Variants in DPYD observed in about 807,000 individuals in gnomAD.
DPYD encodes the protein dihydropyrimidine dehydrogenase, also known as dihydropyrimidine dehydrogenase [NADP(+)].
In DPYD, 109 loss-of-function variants were observed where a neutral mutation model predicts 116.2. The ratio of observed to expected loss-of-function variants is 0.94; its 90% CI spans 0.80 to 1.10. DPYD has a LOEUF of 1.10. Ranked by LOEUF, DPYD falls within the 50% of genes least tolerant of loss-of-function variation. The probability of loss-of-function intolerance (pLI) is 0.00; values close to 1 mark genes in which losing one functional copy is unlikely to be tolerated. For missense variants in DPYD, 1,302 were observed against 1,254.5 expected (o/e 1.04, Z -0.57); for synonymous variants, 440 against 432.0 (o/e 1.02, Z -0.23).
chr1:97,345,102 T>C (rs971125254), intron 16 of DPYD, among the ~76,000 whole-genome samples: 3 of 151,988 alleles, frequency 2.0e-5, no homozygotes, highest in South Asian at 2.1e-4. Flanking sequence ...TTACCGGCCA[T>C]TGGTAATTTT....
intron 14 of DPYD, among the ~76,000 whole-genome samples, chr1:97,392,937 C>T (rs1441931688): frequency 6.6e-6 from 1 of 152,020 alleles, no homozygotes; most frequent in African/African-American, 2.4e-5. Flanking sequence ...TCTCATGATT[C>T]ACAAATGTTC....
chr1:97,667,479 TGCAAATGAAAA>T (rs971092870), intron 8 of DPYD, among the ~76,000 whole-genome samples: 7 of 152,172 alleles, frequency 4.6e-5, no homozygotes, highest in Non-Finnish European at 1.5e-5. Context: ...ACAAGCAGGC[TGCAAATGAAAA>T]GCAAATGAAA....
intron 19 of DPYD, among the ~76,000 whole-genome samples, chr1:97,198,261 T>G (rs1047007944): frequency 2.0e-5 from 3 of 152,142 alleles, no homozygotes; most frequent in African/African-American, 7.2e-5. Context: ...GTGAATCTCA[T>G]CTCAACTGAA....
At position 97,098,738 on chromosome 1, in the gene DPYD, A is replaced by G. The variant is rs563269168; in HGVS notation, c.2623-106T>C. The G allele has an allele frequency of 1.6e-5, 21 of 1,344,170 alleles. No individual in the cohort carries two copies. In the African/African-American group the frequency reaches 3.1e-4, roughly 20 times the overall value. 83.3% of individuals were successfully genotyped at this position (1,344,170 alleles called of 1,614,324 possible). A position where few individuals can be genotyped will look rare whatever the true frequency, so the allele number is the denominator to read the frequency against. ...TCAACAAACAAATGTGTGTCTAGGG[A>G]TTGTTTCATGTATACTGTAACTAGG... is the stretch of plus-strand genomic sequence containing the variant. On this transcript the variant is annotated intron_variant, in intron 20 of 22. Transcript: ENST00000370192.
rs574458715 is a variant in DPYD, at chr1:97,869,705, G to A, written c.150+13559C>T. On this transcript the variant is annotated intron_variant, in intron 2 of 22. Coordinates refer to ENST00000370192, the MANE Select transcript of DPYD (RefSeq NM_000110.4). Reference sequence around the variant, plus strand: ...GCTAAAATAGCCCTTATCTTCCATTGGTATCCCTCATATATTTATCTTCCC... The same window carrying A: ...GCTAAAATAGCCCTTATCTTCCATTAGTATCCCTCATATATTTATCTTCCC... Among the ~76,000 whole-genome samples the A allele has an allele frequency of 5.9e-5, 9 of 151,728 alleles. No individual in the cohort carries two copies. The South Asian group carries it at 1.0e-3, about 18-fold the overall frequency.
At chr1:97,370,523 A>T (rs1196928801) in intron 16 of DPYD, among the ~76,000 whole-genome samples, 2 of 152,180 alleles carry the variant, frequency 1.3e-5, no homozygotes, top group East Asian at 3.9e-4. Flanking sequence ...ACCATGGGAC[A>T]TATATACCTA....
At chr1:97,460,136 A>G (rs1383235158) in intron 13 of DPYD, among the ~76,000 whole-genome samples, 1 of 152,196 alleles carries the variant, frequency 6.6e-6, no homozygotes, top group African/African-American at 2.4e-5. Flanking sequence ...AAATGAAAAC[A>G]AACTTATTAA....
intron 4 of DPYD, among the ~76,000 whole-genome samples, chr1:97,727,684 C>A (rs1003040662): frequency 1.3e-5 from 2 of 151,754 alleles, no homozygotes; most frequent in African/African-American, 4.8e-5. Flanking sequence ...CTATCTATTA[C>A]AAATAACTTT....
chr1:97,591,238 A>G (rs539931950), intron 10 of DPYD, among the ~76,000 whole-genome samples: 1 of 152,236 alleles, frequency 6.6e-6, no homozygotes, highest in East Asian at 1.9e-4. Context: ...TTCCACCATT[A>G]TCCTCATCTC....
chr1:97,082,305 A>G, intron 22 of DPYD, 25 bp downstream of exon 22: 1 of 1,613,158 alleles, frequency 6.2e-7, no homozygotes, highest in Non-Finnish European at 8.5e-7. Context: ...GTCTCATAGC[A>G]TTCTAATTCC....
At chr1:97,449,895 G>A (rs1388568259) in intron 14 of DPYD, among the ~76,000 whole-genome samples, 164 bp downstream of exon 14, 3 of 152,078 alleles carry the variant, frequency 2.0e-5, no homozygotes, top group Non-Finnish European at 2.9e-5. Context: ...ATGAGTTCTT[G>A]AGCTTTTCTT....
chr1:97,891,288 C>T (rs1672759836), intron 1 of DPYD, among the ~76,000 whole-genome samples: 1 of 151,852 alleles, frequency 6.6e-6, no homozygotes, highest in Admixed American at 6.6e-5. Context: ...CTTTAAGAAG[C>T]CCATTAACCC....
Position 97,219,260 on chromosome 1 carries a change from A to C in DPYD, c.2442+15592T>G, listed in dbSNP as rs182604568. 2.0e-3 allele frequency among the ~76,000 whole-genome samples: 303 copies of C among 152,336 alleles called. 3 individuals carry two copies. The highest frequency in any genetic ancestry group is 3.3e-3 in the Admixed American group (51 of 15,296). Reference sequence around the variant, plus strand: ...AGATGCTTTTGAGGGACCAACTGTGAAATGTATTTTTGTGGTCTGTATTTT... The same window carrying C: ...AGATGCTTTTGAGGGACCAACTGTGCAATGTATTTTTGTGGTCTGTATTTT... On this transcript the variant is annotated intron_variant, in intron 19 of 22. Coordinates refer to ENST00000370192, the MANE Select transcript of DPYD (RefSeq NM_000110.4).
intron 5 of DPYD, among the ~76,000 whole-genome samples, chr1:97,710,671 A>G (rs1341369172): frequency 6.6e-6 from 1 of 151,746 alleles, no homozygotes; most frequent in Non-Finnish European, 1.5e-5. Context: ...TTTCCTTTTC[A>G]ATTTGGTAGG....
intron 3 of DPYD, among the ~76,000 whole-genome samples, chr1:97,778,030 C>T (rs1423557806): frequency 1.3e-5 from 2 of 151,506 alleles, no homozygotes; most frequent in East Asian, 2.0e-4. Context: ...TGGTAGCACA[C>T]GTCTGTAGTC....
At chr1:97,745,258 T>A (rs1011097253) in intron 3 of DPYD, among the ~76,000 whole-genome samples, 1 of 152,132 alleles carries the variant, frequency 6.6e-6, no homozygotes, top group Non-Finnish European at 1.5e-5. Context: ...ATAACTGAAT[T>A]TTTAATGCTG....
At chr1:97,790,073 A>G (rs918589577) in intron 3 of DPYD, among the ~76,000 whole-genome samples, 2 of 152,160 alleles carry the variant, frequency 1.3e-5, no homozygotes, top group Admixed American at 6.5e-5. Context: ...TCTAATGAGG[A>G]GCCACATTAA....
intron 3 of DPYD, among the ~76,000 whole-genome samples, chr1:97,745,160 T>C (rs974850018): frequency 2.0e-5 from 3 of 152,058 alleles, no homozygotes; most frequent in South Asian, 2.1e-4. Flanking sequence ...CTTAGGGCTA[T>C]CTGGAACTAA....
In DPYD at chr1:97,532,336, C is replaced by T. The variant is rs542160409; in HGVS notation, c.1525-16395G>A. Among the ~76,000 whole-genome samples, 7 of 152,112 alleles carry T rather than the reference C, an allele frequency of 4.6e-5. No homozygotes were observed. The Middle Eastern group carries it at 0.01, about 223-fold the overall frequency. Reference sequence around the variant, plus strand: ...ATATTCATCAGGGATATTGGCCTGTCATTTTCTTTGTTTGTGGTGTCTTTG... The same window carrying T: ...ATATTCATCAGGGATATTGGCCTGTTATTTTCTTTGTTTGTGGTGTCTTTG... On this transcript the variant is annotated intron_variant, in intron 12 of 22. Transcript: ENST00000370192.
Sources: gnomAD v4.1 joint callset for allele counts (sites outside exome capture counted in the v4.1 genomes callset) on GRCh38, gnomAD v4.1.1 for gene constraint, MANE v1.5 for transcripts, NCBI Gene and HGNC (gene_info 2026-07-23, HGNC 2026-07-21) for gene names.